R3HDM2: variants seen among roughly 807,000 people sequenced by gnomAD.
R3HDM2 encodes the protein R3H domain containing 2, also known as R3H domain-containing protein 2.
A neutral mutation model predicts 124.5 loss-of-function variants in R3HDM2; 38 were observed. The observed-to-expected ratio is 0.31, with a 90% confidence interval of 0.24 to 0.40. The LOEUF (loss-of-function observed/expected upper bound fraction) is 0.40. Among genes scored for constraint, R3HDM2 ranks in the 10% least tolerant of loss-of-function variants. R3HDM2 has a pLI of 1.00. For synonymous variants in R3HDM2, 391 were observed against 448.0 expected (o/e 0.87, Z 1.61); for missense variants, 869 against 1,236.9 (o/e 0.70, Z 4.46).
Position 57,280,477 on chromosome 12 carries a change from C to G in R3HDM2, c.1225G>C (p.Val409Leu). ...GCAGTACAAGGGAGAAGCCCCCGGA[C>G]AGACTGGGATGAGGTGACCTGGTTG... ...VCNQVTSSQSVRGLLPCTAQQ... is the reference protein window; with the variant it reads ...VCNQVTSSQSLRGLLPCTAQQ... The change falls in exon 14 of 24, where the codon GTC becomes CTC. Residue 409 changes from valine to leucine, a missense_variant. Physicochemically the swap from Val to Leu is conservative, Grantham distance 32. Coordinates refer to ENST00000402412, the MANE Select transcript of R3HDM2 (RefSeq NM_001394031.1). The G allele has an allele frequency of 6.2e-7, 1 of 1,614,022 alleles. No homozygotes were observed. The highest frequency in any genetic ancestry group is 8.5e-7 in the Non-Finnish European group (1 of 1,179,912).
chr12:57,409,996 T>C (rs2139257816), intron 1 of R3HDM2, among the ~76,000 whole-genome samples: 1 of 152,340 alleles, frequency 6.6e-6, no homozygotes, highest in African/African-American at 2.4e-5. Context: ...ACCATCTGTA[T>C]AAATCTAGGG....
chr12:57,422,388 A>G (rs774724417), intron 1 of R3HDM2, among the ~76,000 whole-genome samples: 2 of 152,170 alleles, frequency 1.3e-5, no homozygotes, highest in Non-Finnish European at 2.9e-5. Flanking sequence ...AATTCCCACA[A>G]GAATCCCATA....
intron 2 of R3HDM2, among the ~76,000 whole-genome samples, chr12:57,324,869 C>T (rs1247840054): frequency 6.6e-6 from 1 of 152,128 alleles, no homozygotes; most frequent in Non-Finnish European, 1.5e-5. Flanking sequence ...GAGACAGGGC[C>T]TTTAAAGAGG....
At chr12:57,408,549 G>C (rs866998819) in intron 1 of R3HDM2, among the ~76,000 whole-genome samples, 1 of 151,972 alleles carries the variant, frequency 6.6e-6, no homozygotes, top group Non-Finnish European at 1.5e-5. Flanking sequence ...TGGGCAACAT[G>C]GTTAAACCCT....
intron 2 of R3HDM2, among the ~76,000 whole-genome samples, chr12:57,354,803 C>A (rs75920793): frequency 1.1e-3 from 173 of 152,174 alleles, no homozygotes; most frequent in African/African-American, 4.1e-3. Flanking sequence ...CTTGCATTTT[C>A]ATTTTCTCAA....
intron 1 of R3HDM2, among the ~76,000 whole-genome samples, chr12:57,419,187 A>C (rs889277001): frequency 6.9e-6 from 1 of 144,574 alleles, no homozygotes; most frequent in Non-Finnish European, 1.5e-5. Flanking sequence ...TCTGTCACCC[A>C]AGCTGGAGTA....
chr12:57,301,498 A>G (rs1372137523), intron 4 of R3HDM2, among the ~76,000 whole-genome samples: 1 of 152,244 alleles, frequency 6.6e-6, no homozygotes, highest in Non-Finnish European at 1.5e-5. Flanking sequence ...AGCTACTGCT[A>G]CTGATTTGTT....
chr12:57,285,331 G>C (rs1411200848), intron 12 of R3HDM2, among the ~76,000 whole-genome samples: 1 of 151,966 alleles, frequency 6.6e-6, no homozygotes, highest in Non-Finnish European at 1.5e-5. Context: ...TACATGCTAG[G>C]GTCCTTCTTT....
chr12:57,373,154 A>T (rs566090131), intron 2 of R3HDM2, among the ~76,000 whole-genome samples: 134 of 152,310 alleles, frequency 8.8e-4, no homozygotes, highest in African/African-American at 3.2e-3. Context: ...GTAAGCTATG[A>T]CTGTGCTGCT....
At chr12:57,355,107 T>A (rs570677059) in intron 2 of R3HDM2, among the ~76,000 whole-genome samples, 116 of 152,070 alleles carry the variant, frequency 7.6e-4, no homozygotes, top group African/African-American at 2.7e-3. Flanking sequence ...TTTGAGTTAA[T>A]TTTTTGATGT....
At chr12:57,324,688 T>G (rs1338391231) in intron 2 of R3HDM2, among the ~76,000 whole-genome samples, 3 of 152,224 alleles carry the variant, frequency 2.0e-5, no homozygotes, top group Non-Finnish European at 1.5e-5. Flanking sequence ...CACAGCTTCC[T>G]GGGGAAAAGC....
At position 57,419,302 on chromosome 12, in the gene R3HDM2, C is replaced by T. The variant is rs1422782347; in HGVS notation, c.-106+11418G>A. 2.0e-5 allele frequency among the ~76,000 whole-genome samples: 3 copies of T among 151,934 alleles called. No individual in the cohort carries two copies. The East Asian group carries it at 5.8e-4, about 29-fold the overall frequency. On this transcript the variant is annotated intron_variant, in intron 1 of 23. Transcript: ENST00000402412. ...ACGATTACAGGCAAGTGCCACCATG[C>T]CTGGCTAATTTTTTGTATTTTTAGT...
rs181729255 is a variant in R3HDM2, at chr12:57,315,563, C to G, written c.-35-5100G>C. Among the ~76,000 whole-genome samples, 337 of 152,316 alleles carry G rather than the reference C, an allele frequency of 2.2e-3. 5 individuals are homozygous for G. The South Asian group carries it at 0.036, about 16-fold the overall frequency. ...AAATCAAAATGACAACTTTGCAGCT[C>G]TCCTTCACATGTGGGTCAGGAAAAG... is the stretch of plus-strand genomic sequence containing the variant. On this transcript the variant is annotated intron_variant, in intron 2 of 23. Coordinates refer to ENST00000402412, the MANE Select transcript of R3HDM2 (RefSeq NM_001394031.1).
chr12:57,340,845 C>T lies in R3HDM2; in HGVS notation c.-35-30382G>A, dbSNP rs1043148952. On this transcript the variant is annotated intron_variant, in intron 2 of 23. Transcript: ENST00000402412. ...ACCTCTGCAGCCCTCTAGAAATCAG[C>T]GGTATTAAAATGGAATTGCATGAAA... is the stretch of plus-strand genomic sequence containing the variant. Among the ~76,000 whole-genome samples, 3 of 150,054 alleles carry T rather than the reference C, an allele frequency of 2.0e-5. No individual in the cohort carries two copies. In the South Asian group the frequency reaches 6.3e-4, roughly 32 times the overall value.
At chr12:57,419,879 A>T (rs2070021732) in intron 1 of R3HDM2, among the ~76,000 whole-genome samples, 1 of 150,660 alleles carries the variant, frequency 6.6e-6, no homozygotes, top group Non-Finnish European at 1.5e-5. Context: ...TATCTCTCCC[A>T]CTCTCTCAAC....
At chr12:57,314,685 TA>T (rs1424155665) in intron 2 of R3HDM2, among the ~76,000 whole-genome samples, 2 of 152,264 alleles carry the variant, frequency 1.3e-5, no homozygotes, top group East Asian at 3.9e-4. Flanking sequence ...CTCCCTATTA[TA>T]AATTATGAAC....
At chr12:57,261,858 G>C (rs534749677) in intron 19 of R3HDM2, among the ~76,000 whole-genome samples, 20 of 151,876 alleles carry the variant, frequency 1.3e-4, no homozygotes, top group East Asian at 1.9e-4. Context: ...GAAGTGGGAG[G>C]GGGGGTTGAA....
In R3HDM2 at chr12:57,269,901, G is replaced by C; in HGVS notation, c.1438C>G (p.Pro480Ala). 1 of 1,614,144 alleles carries C rather than the reference G, an allele frequency of 6.2e-7. No individual in the cohort carries two copies. Among genetic ancestry groups the C allele is most frequent in the Non-Finnish European group, 8.5e-7 (1 of 1,180,032 alleles). ...ADPSAALFQT[P>A]LISQHPQQTS... is the part of the protein sequence containing the mutation. ...TGCTGAGGGTGCTGGGAGATAAGTGGGGTCTGGAATAGAGCTGCAGATGGG... is the reference window on the plus strand; with the variant it reads ...TGCTGAGGGTGCTGGGAGATAAGTGCGGTCTGGAATAGAGCTGCAGATGGG... The change falls in exon 15 of 24, where the codon CCA becomes GCA. Residue 480 changes from proline to alanine, a missense_variant. By Grantham distance (27) the Pro-to-Ala change is conservative. Coordinates refer to ENST00000402412, the MANE Select transcript of R3HDM2 (RefSeq NM_001394031.1).
At chr12:57,342,555 C>T (rs1371951925) in intron 2 of R3HDM2, among the ~76,000 whole-genome samples, 1 of 152,160 alleles carries the variant, frequency 6.6e-6, no homozygotes, top group South Asian at 2.1e-4. Flanking sequence ...CCTCTTCTCG[C>T]TCTCATTCAA....
Sources: gnomAD v4.1 joint callset for allele counts (sites outside exome capture counted in the v4.1 genomes callset) on GRCh38, gnomAD v4.1.1 for gene constraint, MANE v1.5 for transcripts, NCBI Gene and HGNC (gene_info 2026-07-23, HGNC 2026-07-21) for gene names.